DENND4A: variants seen among roughly 807,000 people sequenced by gnomAD.
The protein encoded by DENND4A is C-myc promoter-binding protein.
A neutral mutation model predicts 199.3 loss-of-function variants in DENND4A; 70 were observed. The observed-to-expected ratio is 0.35, with a 90% confidence interval of 0.29 to 0.43. DENND4A has a LOEUF of 0.43. Ranked by LOEUF, DENND4A falls within the 20% of genes least tolerant of loss-of-function variation. DENND4A has a pLI of 1.00. For synonymous variants in DENND4A, 686 were observed against 766.9 expected, an observed-to-expected ratio of 0.89 and a Z score of 1.74; for missense variants, 1,723 against 2,255.8, an observed-to-expected ratio of 0.76 and a Z score of 4.78.
In DENND4A at chr15:65,660,415, C is replaced by A. The variant is rs991237874; in HGVS notation, c.*1436G>T. 26 of 935,252 alleles carry A rather than the reference C, an allele frequency of 2.8e-5. No homozygotes were observed. The African/African-American group carries it at 3.5e-4, about 12-fold the overall frequency. The allele number at this position is 935,252 out of a possible 1,614,324, so 57.9% of individuals were successfully genotyped here. On this transcript the variant is annotated 3_prime_UTR_variant, in exon 33 of 33. Transcript: ENST00000443035. ...TCCAGTCCAAGTGTCGTGGACTCTACTGGCTTTATACACCTAATTTGGGAC... is the reference window on the plus strand; with the variant it reads ...TCCAGTCCAAGTGTCGTGGACTCTAATGGCTTTATACACCTAATTTGGGAC...
chr15:65,692,492 G>C (rs2077007315), intron 22 of DENND4A, among the ~76,000 whole-genome samples: 2 of 152,082 alleles, frequency 1.3e-5, no homozygotes, highest in Admixed American at 6.6e-5. Flanking sequence ...CACAGAATTA[G>C]CTCTCTATAG....
At chr15:65,776,365 C>T (rs1200690653) in intron 1 of DENND4A, among the ~76,000 whole-genome samples, 2 of 152,148 alleles carry the variant, frequency 1.3e-5, no homozygotes, top group Non-Finnish European at 2.9e-5. Context: ...CTAATCACCT[C>T]CATTGTTTTT....
chr15:65,724,152 G>T lies in DENND4A; in HGVS notation c.1488-1204C>A, dbSNP rs140915136. The stretch of plus-strand genomic sequence containing the variant: ...GGCTCACTGCAGTCTTAACTCCCAG[G>T]CTCAAGTGGTCCTCCCAAGCAGGCC... On this transcript the variant is annotated intron_variant, in intron 11 of 32. Coordinates refer to ENST00000443035, the MANE Select transcript of DENND4A (RefSeq NM_001320835.1). Among the ~76,000 whole-genome samples, 210 of 152,056 alleles carry T rather than the reference G, an allele frequency of 1.4e-3. 1 individual carries two copies. The South Asian group carries it at 0.021, about 16-fold the overall frequency.
chr15:65,779,081 T>C (rs1035911885), intron 1 of DENND4A, among the ~76,000 whole-genome samples: 1 of 151,856 alleles, frequency 6.6e-6, no homozygotes, highest in South Asian at 2.1e-4. Context: ...CTGGGAAATA[T>C]GGCGAGACCA....
intron 4 of DENND4A, among the ~76,000 whole-genome samples, chr15:65,744,095 G>A (rs1162924904): frequency 6.6e-6 from 1 of 152,124 alleles, no homozygotes; most frequent in African/African-American, 2.4e-5. Context: ...AATTATGAGA[G>A]TTTGAATAAG....
intron 14 of DENND4A, among the ~76,000 whole-genome samples, chr15:65,712,033 A>G (rs1000202723): frequency 6.6e-6 from 1 of 152,234 alleles, no homozygotes; most frequent in African/African-American, 2.4e-5. Flanking sequence ...ATCACCATTT[A>G]TAACAGTGTT....
intron 7 of DENND4A, among the ~76,000 whole-genome samples, chr15:65,735,122 A>G (rs1408216829): frequency 1.3e-5 from 2 of 151,966 alleles, no homozygotes; most frequent in Admixed American, 1.3e-4. Flanking sequence ...TCACACCTGT[A>G]ATCTCAGCAC....
At chr15:65,744,575 CT>C (rs1267440959) in intron 4 of DENND4A, among the ~76,000 whole-genome samples, 3 of 152,248 alleles carry the variant, frequency 2.0e-5, no homozygotes, top group South Asian at 2.1e-4. Flanking sequence ...CCCATCACCC[CT>C]CTCTTGCATT....
chr15:65,675,499 T>A (rs986537699), intron 24 of DENND4A, among the ~76,000 whole-genome samples: 1 of 151,250 alleles, frequency 6.6e-6, no homozygotes, highest in African/African-American at 2.4e-5. Context: ...TTAGATAAAC[T>A]ACTTGCAACT....
intron 2 of DENND4A, among the ~76,000 whole-genome samples, chr15:65,759,623 C>G (rs1030340830): frequency 1.3e-5 from 2 of 152,168 alleles, no homozygotes; most frequent in African/African-American, 4.8e-5. Flanking sequence ...AGAAATGCCT[C>G]CTAGATGGAC....
intron 20 of DENND4A, 53 bp from the exon 21 acceptor site, chr15:65,697,436 C>T: frequency 8.9e-7 from 1 of 1,123,510 alleles, no homozygotes; most frequent in Admixed American, 2.1e-5. Flanking sequence ...TTAGTGAGTG[C>T]AACTGGAATT....
intron 12 of DENND4A, among the ~76,000 whole-genome samples, chr15:65,721,258 G>A (rs2075631913): frequency 6.6e-6 from 1 of 151,858 alleles, no homozygotes; most frequent in South Asian, 2.1e-4. Context: ...GCAAAATTTT[G>A]TTACGTTTTA....
At chr15:65,682,695 A>AT (rs1461421728) in intron 23 of DENND4A, among the ~76,000 whole-genome samples, 1 of 152,182 alleles carries the variant, frequency 6.6e-6, no homozygotes, top group Admixed American at 6.5e-5. Flanking sequence ...GGCTTTTGAC[A>AT]TACCTTCCTC....
chr15:65,676,732 C>G, intron 23 of DENND4A, 98 bp from the exon 24 acceptor site: 1 of 903,092 alleles, frequency 1.1e-6, no homozygotes. Context: ...ACCTAACTAC[C>G]CAGATGATCA....
At chr15:65,773,254 A>G (rs2140902643) in intron 1 of DENND4A, among the ~76,000 whole-genome samples, 1 of 152,280 alleles carries the variant, frequency 6.6e-6, no homozygotes, top group East Asian at 1.9e-4. Context: ...CTTTTGGTTC[A>G]GCTAACCAGA....
chr15:65,713,162 AG>A (rs1397447096), intron 14 of DENND4A, among the ~76,000 whole-genome samples: 3 of 152,220 alleles, frequency 2.0e-5, no homozygotes, highest in Non-Finnish European at 4.4e-5. Flanking sequence ...TTATGCCAAA[AG>A]GATCTAGTTC....
At chr15:65,777,126 C>A (rs2140934302) in intron 1 of DENND4A, among the ~76,000 whole-genome samples, 1 of 152,202 alleles carries the variant, frequency 6.6e-6, no homozygotes, top group East Asian at 1.9e-4. Context: ...TGAGATAGCA[C>A]CACTGCACTC....
At chr15:65,736,963 A>G (rs911823332) in intron 7 of DENND4A, among the ~76,000 whole-genome samples, 1 of 152,258 alleles carries the variant, frequency 6.6e-6, no homozygotes, top group African/African-American at 2.4e-5. Context: ...TATCTTTAAA[A>G]TAAATTGATC....
chr15:65,760,836 C>T (rs943571151), intron 2 of DENND4A, among the ~76,000 whole-genome samples: 2 of 150,068 alleles, frequency 1.3e-5, no homozygotes, highest in Non-Finnish European at 3.0e-5. Flanking sequence ...TTGCAATGGG[C>T]CAAGATCAAC....
Sources: allele counts gnomAD v4.1 joint callset (sites outside exome capture counted in the v4.1 genomes callset), GRCh38; gene constraint gnomAD v4.1.1; transcripts MANE v1.5; gene names NCBI Gene and HGNC (gene_info 2026-07-23, HGNC 2026-07-21).